Variants in KEL observed in about 807,000 individuals in gnomAD.
The protein encoded by KEL is kell blood group glycoprotein.
Under a neutral mutation model 99.5 loss-of-function variants are expected in KEL, and 96 were observed. That is an observed-to-expected ratio of 0.97 (90% CI 0.82 to 1.14). The LOEUF is 1.14. Among genes scored for constraint, KEL ranks in the 50% most tolerant of loss-of-function variants. The pLI, the probability that KEL is intolerant of heterozygous loss-of-function variation, is 0.00. For synonymous variants in KEL, 355 were observed against 354.8 expected (o/e 1.00, Z -0.01); for missense variants, 926 against 924.2 (o/e 1.00, Z -0.03).
chr7:142,958,061 C>G, intron 5 of KEL, 88 bp from the exon 6 acceptor site: 1 of 1,507,522 alleles, frequency 6.6e-7, no homozygotes, highest in East Asian at 2.4e-5. Flanking sequence ...GCTGCTACTG[C>G]CTGACCTCTG....
rs374724285 is a variant in KEL, at chr7:142,942,648, G to C, written c.1942-119C>G. 67 of 878,940 alleles carry C rather than the reference G, an allele frequency of 7.6e-5. 1 individual carries two copies. The East Asian group carries it at 1.1e-3, about 15-fold the overall frequency. The allele number at this position is 878,940 out of a possible 1,614,324, so 54.4% of individuals were successfully genotyped here. On this transcript the variant is annotated intron_variant, in intron 17 of 18. Transcript: ENST00000355265. ...CTCACTGGTTCTGCACTGACTAGTT[G>C]ATCTGAGCCAGAAGAAAGAGTACTT...
rs768338653 is a variant in KEL, at chr7:142,961,042, T to C, written c.286A>G (p.Ser96Gly). 8 of 1,614,068 alleles carry C rather than the reference T, an allele frequency of 5.0e-6. No homozygotes were observed. The African/African-American group carries it at 9.3e-5, about 19-fold the overall frequency. ...AAGAAGTCGGTGCAGGGGGCCACAC[T>C]TGTGTTCCCAGAGGCCAGGTAATGA... ...RDHYLASGNT[S>G]VAPCTDFFSF... Residue 96 changes from serine (S) to glycine (G), a missense_variant, in exon 4 of 19, where the codon AGT (serine) becomes GGT (glycine). Ser to Gly is a moderately conservative substitution (Grantham distance 56). Transcript: ENST00000355265.
intron 18 of KEL, chr7:142,941,954 G>T: frequency 6.0e-6 from 1 of 167,344 alleles, no homozygotes; most frequent in Non-Finnish European, 1.3e-5. Context: ...GATTACAGGC[G>T]CCCGCCACCA....
At chr7:142,958,907 T>C (rs1383036087) in intron 4 of KEL, among the ~76,000 whole-genome samples, 6 of 152,188 alleles carry the variant, frequency 3.9e-5, no homozygotes, top group African/African-American at 7.2e-5. Flanking sequence ...TTAGACAAAC[T>C]CAAGCAACTG....
Position 142,943,613 on chromosome 7 carries a change from T to G in KEL, c.1593-17A>C. Reference sequence around the variant, plus strand: ...ACCTTCCACCTGTGGGAAGAGGACATGTGAACTCCAGCCCCCACCACGTAT... The same window carrying G: ...ACCTTCCACCTGTGGGAAGAGGACAGGTGAACTCCAGCCCCCACCACGTAT... On this transcript the variant is annotated splice_polypyrimidine_tract_variant and intron_variant, in intron 14 of 18. Transcript: ENST00000355265. 1 of 1,588,214 alleles carries G rather than the reference T, an allele frequency of 6.3e-7. No homozygotes were observed. Among genetic ancestry groups the G allele is most frequent in the Non-Finnish European group, 8.6e-7 (1 of 1,156,802 alleles).
At chr7:142,942,063 C>A in intron 18 of KEL, 1 of 274,268 alleles carries the variant, frequency 3.6e-6, no homozygotes, top group African/African-American at 2.2e-5. Flanking sequence ...CCCACCTCGG[C>A]CTCCTAGAGT....
intron 9 of KEL, chr7:142,953,457 C>T (rs911256038): frequency 5.6e-6 from 5 of 887,776 alleles, no homozygotes; most frequent in Non-Finnish European, 2.7e-6. Flanking sequence ...GACATACATA[C>T]ACTTAACTGT....
Position 142,941,338 on chromosome 7 carries a change from G to A in KEL, c.2113C>T (p.Leu705Phe), listed in dbSNP as rs1322183875. 2.5e-6 allele frequency: 4 copies of A among 1,613,834 alleles called. 1 individual carries two copies. The South Asian group carries it at 3.3e-5, about 13-fold the overall frequency. Reference protein sequence around the residue: ...SPPHLRVHGPLSSTPAFARYF... With the variant: ...SPPHLRVHGPFSSTPAFARYF... ...CTGGCAAAGGCTGGGGTGCTGCTGA[G>A]GGGCCCGTGGACTCGGAGGTGTGGA... The change falls in exon 19 of 19, where the codon CTC becomes TTC. Residue 705 changes from leucine to phenylalanine, a missense_variant. Transcript: ENST00000355265.
chr7:142,955,860 T>C (rs970625373), intron 6 of KEL, among the ~76,000 whole-genome samples: 4 of 152,244 alleles, frequency 2.6e-5, no homozygotes, highest in African/African-American at 9.6e-5. Flanking sequence ...GTGCAGTCTG[T>C]GTCCACTGCC....
Position 142,943,828 on chromosome 7 carries a change from C to T in KEL, c.1547G>A (p.Arg516Gln), listed in dbSNP as rs943752536. 8 of 1,614,018 alleles carry T rather than the reference C, an allele frequency of 5.0e-6. No individual in the cohort carries two copies. Among genetic ancestry groups the T allele is most frequent in the East Asian group, 2.2e-5 (1 of 44,882 alleles). ...CAAGAAGCTCTGGACAATTCTAGCT[C>T]GGAGGGACCGGACACAGCTCAGGAC... The part of the protein sequence containing the change: ...QSVLSCVRSL[R>Q]ARIVQSFLQP... The change falls in exon 14 of 19, where the codon CGA (arginine) becomes CAA (glutamine). Residue 516 changes from arginine (R) to glutamine (Q), a missense_variant. By Grantham distance (43) the Arg-to-Gln change is conservative (BLOSUM62 1). Transcript: ENST00000355265.
intron 11 of KEL, among the ~76,000 whole-genome samples, chr7:142,945,732 G>A (rs746939756): frequency 5.9e-5 from 9 of 151,970 alleles, no homozygotes; most frequent in South Asian, 2.1e-4. Flanking sequence ...AGGTTCAAGC[G>A]ATTCGCCTGC....
intron 11 of KEL, among the ~76,000 whole-genome samples, chr7:142,945,138 C>G: frequency 6.6e-6 from 1 of 152,302 alleles, no homozygotes; most frequent in African/African-American, 2.4e-5. Context: ...TTTAAACCGT[C>G]CACTCCCTCT....
chr7:142,960,996 G>A lies in KEL; in HGVS notation c.332C>T (p.Ala111Val). The A allele has an allele frequency of 6.2e-7, 1 of 1,614,178 alleles. No homozygotes were observed. The highest frequency in any genetic ancestry group is 1.1e-5 in the South Asian group (1 of 91,084). ...TDFFSFACGRAKETNNSFQEL... is the reference protein window; with the variant it reads ...TDFFSFACGRVKETNNSFQEL... ...CTGAAAAGAATTATTGGTCTCTTTGGCCCTTCCACAGGCAAAGCTGAAGAA... is the reference window on the plus strand; with the variant it reads ...CTGAAAAGAATTATTGGTCTCTTTGACCCTTCCACAGGCAAAGCTGAAGAA... The change falls in exon 4 of 19, where the codon GCC becomes GTC. Residue 111 changes from alanine (A) to valine (V), a missense_variant. Physicochemically the swap from Ala to Val is moderately conservative, Grantham distance 64. Coordinates refer to ENST00000355265, the MANE Select transcript of KEL (RefSeq NM_000420.3).
chr7:142,958,510 G>A (rs1796883912), intron 4 of KEL, 82 bp from the exon 5 acceptor site: 1 of 1,323,792 alleles, frequency 7.6e-7, no homozygotes, highest in Non-Finnish European at 1.1e-6. Context: ...GGTCTGGGGA[G>A]TCATGCCCTA....
chr7:142,957,975 TTTAAAG>T lies in KEL; in HGVS notation c.526-8_526-3del. On this transcript the variant is annotated splice_polypyrimidine_tract_variant and splice_region_variant and intron_variant, in intron 5 of 18. Coordinates refer to ENST00000355265, the MANE Select transcript of KEL (RefSeq NM_000420.3). ...ACCAGAGATGCGCCAGCCTCCAAGC[TTTAAAG>T]GAGAGAGAGGGGGCTGAGCATAAGG... 6.2e-7 allele frequency: 1 copy of T among 1,613,822 alleles called. No homozygotes were observed. Among genetic ancestry groups the T allele is most frequent in the Non-Finnish European group, 8.5e-7 (1 of 1,179,886 alleles).
rs1352194781 is a variant in KEL, at chr7:142,953,879, G to A, written c.1002C>T (p.Ser334=). 6.2e-7 allele frequency: 1 copy of A among 1,614,060 alleles called. No homozygotes were observed. The change falls in exon 9 of 19, where the codon TCC becomes TCT. Residue 334 remains serine, a synonymous_variant. Transcript: ENST00000355265. The part of the protein sequence containing the change: ...FTPMSLSPSQ[S]LVVHDVEYLK... ...AATATTCCACGTCATGGACCACGAG[G>A]GACTGAGAAGGGCTCAGGGACATCG... is the stretch of plus-strand genomic sequence containing the variant.
At chr7:142,950,949 T>C (rs1238122610) in intron 10 of KEL, among the ~76,000 whole-genome samples, 1 of 152,174 alleles carries the variant, frequency 6.6e-6, no homozygotes, top group African/African-American at 2.4e-5. Context: ...TTCTGCAAAA[T>C]GGGGATTAAA....
rs760123466 is a variant in KEL at position 142,941,408 on chromosome 7, C to G, written c.2043G>C (p.Met681Ile). ...AGTCCTGGGGGCTGGGCTTCCTACA[C>G]ATCACCTGAGCAGGAAGAGAGGTCA... The part of the protein sequence containing the change: ...QIFFRSYAQV[M>I]CRKPSPQDSH... Residue 681 changes from methionine (M) to isoleucine (I), a missense_variant, in exon 19 of 19, where the codon ATG (methionine) becomes ATC (isoleucine). Coordinates refer to ENST00000355265, the MANE Select transcript of KEL (RefSeq NM_000420.3). 2 of 1,596,712 alleles carry G rather than the reference C, an allele frequency of 1.3e-6. No individual in the cohort carries two copies. The highest frequency in any genetic ancestry group is 1.7e-6 in the Non-Finnish European group (2 of 1,168,708).
intron 10 of KEL, among the ~76,000 whole-genome samples, chr7:142,948,899 GACAC>G (rs72104159): frequency 6.3e-4 from 89 of 142,224 alleles, no homozygotes; most frequent in African/African-American, 7.4e-4. Flanking sequence ...AAGCTTCACA[GACAC>G]ACACACACAC....
Sources: allele counts gnomAD v4.1 joint callset (sites outside exome capture counted in the v4.1 genomes callset), GRCh38; gene constraint gnomAD v4.1.1; transcripts MANE v1.5; gene names NCBI Gene and HGNC (gene_info 2026-07-23, HGNC 2026-07-21).